UBXN11: variants seen among roughly 807,000 people sequenced by gnomAD.
The protein encoded by UBXN11 is UBX domain protein 11, also known as UBX domain-containing protein 11.
In UBXN11, 47 loss-of-function variants were observed where a neutral mutation model predicts 62.8. That is an observed-to-expected ratio of 0.75 (90% CI 0.59 to 0.95). UBXN11 has a LOEUF of 0.95. Ranked by LOEUF, UBXN11 falls within the 40% of genes least tolerant of loss-of-function variation. The pLI, the probability that UBXN11 is intolerant of heterozygous loss-of-function variation, is 0.00. For missense variants in UBXN11, 638 were observed against 661.7 expected (o/e 0.96, Z 0.39); for synonymous variants, 294 against 267.0 (o/e 1.10, Z -0.99).
At chr1:26,304,984 GT>G (rs1270275040) in intron 1 of UBXN11, among the ~76,000 whole-genome samples, 1 of 150,972 alleles carries the variant, frequency 6.6e-6, no homozygotes, top group African/African-American at 2.4e-5. Context: ...TTCCCCTTCA[GT>G]TTGTTTTTCA....
chr1:26,294,362 C>G (rs765795988), intron 7 of UBXN11, 31 bp from the exon 8 acceptor site: 19 of 1,608,988 alleles, frequency 1.2e-5, no homozygotes, highest in Admixed American at 1.7e-5. Context: ...ATGCGGGGCA[C>G]CGTCAGCTCA....
chr1:26,308,620 G>A (rs1438624302), upstream of UBXN11, among the ~76,000 whole-genome samples: 6 of 152,180 alleles, frequency 3.9e-5, no homozygotes, highest in South Asian at 4.1e-4. Flanking sequence ...AGATCATGTC[G>A]GGGCCAAGTG....
In UBXN11 at chr1:26,282,870, C is replaced by T. The variant is rs756092849; in HGVS notation, c.1145G>A (p.Arg382Gln). The T allele has an allele frequency of 5.6e-6, 9 of 1,614,080 alleles. No individual in the cohort carries two copies. Among genetic ancestry groups the T allele is most frequent in the South Asian group, 3.3e-5 (3 of 91,094 alleles). The change falls in exon 13 of 15, where the codon CGA becomes CAA. Residue 382 changes from arginine (R) to glutamine (Q), a missense_variant. Physicochemically the swap from Arg to Gln is conservative, Grantham distance 43 (BLOSUM62 1). Coordinates refer to ENST00000374222, the MANE Select transcript of UBXN11 (RefSeq NM_001389556.1). The part of the protein sequence containing the change: ...VVETPTLAAE[R>Q]ERSQESPNTP... ...CTCCTCATCCCGCCCTCACCTCTCT[C>T]GCTCAGCGGCCAAGGTGGGCGTCTC...
intron 14 of UBXN11, 31 bp downstream of exon 14, chr1:26,282,618 C>G (rs552206395): frequency 6.2e-7 from 1 of 1,613,366 alleles, no homozygotes; most frequent in Non-Finnish European, 8.5e-7. Flanking sequence ...ACCAGAGCCC[C>G]TCTGTGGCCC....
At chr1:26,297,104 T>A in intron 6 of UBXN11, 109 bp from the exon 7 acceptor site, 2 of 1,298,238 alleles carry the variant, frequency 1.5e-6, no homozygotes, top group Non-Finnish European at 2.1e-6. Flanking sequence ...CCCCAAGAAC[T>A]GCCTCTTGGC....
chr1:26,312,979 C>CAAAAAAAAAAAAA (rs55777309), intron 1 of UBXN11, among the ~76,000 whole-genome samples: 8 of 48,150 alleles, frequency 1.7e-4, no homozygotes, highest in African/African-American at 4.6e-4. Context: ...AACTCTGTCT[C>CAAAAAAAAAAAAA]AAAAAAAAAA....
chr1:26,289,160 C>G (rs938195831), intron 8 of UBXN11, among the ~76,000 whole-genome samples: 1 of 152,206 alleles, frequency 6.6e-6, no homozygotes, highest in Non-Finnish European at 1.5e-5. Flanking sequence ...AGGGCACTTC[C>G]GAGCTCTGTA....
chr1:26,305,974 C>T (rs1402213374), intron 1 of UBXN11, among the ~76,000 whole-genome samples: 1 of 152,196 alleles, frequency 6.6e-6, no homozygotes, highest in Non-Finnish European at 1.5e-5. Flanking sequence ...CAGTCCAGTC[C>T]GACACATTGT....
chr1:26,308,297 G>GA (rs2073704044), upstream of UBXN11, among the ~76,000 whole-genome samples: 1 of 120,502 alleles, frequency 8.3e-6, no homozygotes, highest in Non-Finnish European at 1.9e-5. Flanking sequence ...AAAGAAAAAA[G>GA]AAAAAAACAG....
chr1:26,302,362 T>TAAAAAAAAAAAAAA (rs56003085), intron 2 of UBXN11, among the ~76,000 whole-genome samples: 3 of 69,530 alleles, frequency 4.3e-5, no homozygotes, highest in African/African-American at 1.1e-4. Context: ...ACTTGGTCTT[T>TAAAAAAAAAAAAAA]AAAAAAAAAA....
At chr1:26,296,802 TG>T in intron 7 of UBXN11, 116 bp downstream of exon 7, 1 of 1,058,926 alleles carries the variant, frequency 9.4e-7, no homozygotes, top group Non-Finnish European at 1.4e-6. Flanking sequence ...GGTCCCTGGG[TG>T]GGATGTGACG....
rs372393457 is a variant in UBXN11, at chr1:26,282,919, C to A, written c.1096G>T (p.Ala366Ser). 793 of 1,614,196 alleles carry A rather than the reference C, an allele frequency of 4.9e-4. 12 individuals carry two copies. The South Asian group carries it at 8.1e-3, about 17-fold the overall frequency. Residue 366 changes from alanine (A) to serine (S), a missense_variant, in exon 13 of 15, where the codon GCC (alanine) becomes TCC (serine). Ala to Ser is a moderately conservative substitution (Grantham distance 99). Transcript: ENST00000374222. The stretch of plus-strand genomic sequence containing the variant: ...TCCACCACAATCTCCTGGATCCGGG[C>A]AGGCAATGGGCAGCAGTTCTGGAAG... ...DTLQNCCPLP[A>S]RIQEIVVETP...
chr1:26,291,116 A>C (rs1025965355), intron 8 of UBXN11, among the ~76,000 whole-genome samples: 1 of 152,262 alleles, frequency 6.6e-6, no homozygotes, highest in South Asian at 2.1e-4. Context: ...GGCTCGGCAC[A>C]GACGGCCCTG....
intron 8 of UBXN11, among the ~76,000 whole-genome samples, chr1:26,286,747 T>C (rs1232166638): frequency 6.6e-6 from 1 of 152,180 alleles, no homozygotes; most frequent in Non-Finnish European, 1.5e-5. Flanking sequence ...TTGTCCAGGC[T>C]GGAGTGCAAT....
intron 1 of UBXN11, among the ~76,000 whole-genome samples, chr1:26,314,324 G>C (rs958459749): frequency 1.3e-5 from 2 of 152,094 alleles, no homozygotes; most frequent in African/African-American, 4.8e-5. Flanking sequence ...AAGCCTAGGT[G>C]GGGGGAGTTT....
chr1:26,316,667 A>C (rs1276982242), intron 1 of UBXN11, among the ~76,000 whole-genome samples: 1 of 152,178 alleles, frequency 6.6e-6, no homozygotes, highest in African/African-American at 2.4e-5. Flanking sequence ...TTCACCAGTC[A>C]AATGGGGATA....
chr1:26,285,562 TGA>T (rs2073109944), intron 9 of UBXN11, 21 bp from the exon 10 acceptor site: 3 of 1,547,302 alleles, frequency 1.9e-6, no homozygotes, highest in Non-Finnish European at 2.6e-6. Flanking sequence ...AGAGGAAAAG[TGA>T]GGGGGTGGCC....
In UBXN11 at chr1:26,318,082, C is replaced by T. The variant is rs369827727; in HGVS notation, c.-184G>A. 47 of 1,613,010 alleles carry T rather than the reference C, an allele frequency of 2.9e-5. No individual in the cohort carries two copies. The African/African-American group carries it at 3.2e-4, about 11-fold the overall frequency. On this transcript the variant is annotated 5_prime_UTR_variant, in exon 1 of 15. Coordinates refer to the UBXN11 transcript ENST00000374217. ...CTGGTTATGGTACAGGTAAGAGCAACGCCTGGCACCACTGCCAGGACTCCC... is the reference window on the plus strand; with the variant it reads ...CTGGTTATGGTACAGGTAAGAGCAATGCCTGGCACCACTGCCAGGACTCCC...
chr1:26,318,261 G>A (rs2073818596), exon 1 of UBXN11: 4 of 589,066 alleles, frequency 6.8e-6, no homozygotes, highest in Admixed American at 6.0e-5. Context: ...GGCTGGGGCT[G>A]CACTGCTTGC....
Sources: allele counts gnomAD v4.1 joint callset (sites outside exome capture counted in the v4.1 genomes callset), GRCh38; gene constraint gnomAD v4.1.1; transcripts MANE v1.5; gene names NCBI Gene and HGNC (gene_info 2026-07-23, HGNC 2026-07-21).